PRKG1: variants seen among roughly 807,000 people sequenced by gnomAD.
PRKG1 encodes the protein cGMP-dependent protein kinase 1.
PRKG1 carries 35 observed loss-of-function variants against 88.1 expected under a neutral mutation model. The ratio of observed to expected loss-of-function variants is 0.40; its 90% confidence interval spans 0.30 to 0.53. The LOEUF is 0.53. Ranked by LOEUF, PRKG1 falls within the 20% of genes least tolerant of loss-of-function variation. The pLI is 0.59. For missense variants in PRKG1, 540 were observed against 839.8 expected (o/e 0.64, Z 4.41); for synonymous variants, 303 against 292.5 (o/e 1.04, Z -0.37).
chr10:51,836,163 C>A (rs1840126123), intron 4 of PRKG1, among the ~76,000 whole-genome samples: 2 of 152,122 alleles, frequency 1.3e-5, no homozygotes, highest in Admixed American at 6.6e-5. Context: ...TAGCATGGCA[C>A]TGGCATCAAA....
At chr10:51,919,895 C>A (rs933134670) in intron 5 of PRKG1, among the ~76,000 whole-genome samples, 3 of 152,026 alleles carry the variant, frequency 2.0e-5, no homozygotes, top group African/African-American at 7.2e-5. Context: ...AAGAATTATG[C>A]CTGGTACTTA....
chr10:51,173,153 T>A (rs1837089636), intron 2 of PRKG1, among the ~76,000 whole-genome samples: 1 of 152,002 alleles, frequency 6.6e-6, no homozygotes, highest in African/African-American at 2.4e-5. Context: ...CTTATAATTA[T>A]AATAAACAAT....
chr10:51,820,905 C>T (rs1444654753), intron 4 of PRKG1, among the ~76,000 whole-genome samples: 1 of 152,048 alleles, frequency 6.6e-6, no homozygotes, highest in Non-Finnish European at 1.5e-5. Context: ...CTTGAAAGTA[C>T]AGATCAATGA....
At chr10:51,259,541 T>C (rs1200072789) in intron 2 of PRKG1, among the ~76,000 whole-genome samples, 2 of 152,320 alleles carry the variant, frequency 1.3e-5, no homozygotes, top group Admixed American at 1.3e-4. Context: ...TAGCACAATC[T>C]TGGCTCACTG....
chr10:51,775,325 T>A (rs1249855141), intron 3 of PRKG1, among the ~76,000 whole-genome samples: 1 of 152,156 alleles, frequency 6.6e-6, no homozygotes, highest in East Asian at 1.9e-4. Context: ...CTTTATTTTT[T>A]AAGAATACTT....
intron 3 of PRKG1, chr10:51,698,515 G>A (rs751845818): frequency 2.0e-5 from 32 of 1,614,146 alleles, no homozygotes; most frequent in Non-Finnish European, 2.7e-5. Context: ...CTTCTCCAGT[G>A]ACTGAAAGCA....
chr10:51,873,182 T>C (rs747471590), intron 4 of PRKG1, among the ~76,000 whole-genome samples: 18 of 152,162 alleles, frequency 1.2e-4, no homozygotes, highest in Non-Finnish European at 2.5e-4. Flanking sequence ...CAAACTTAAC[T>C]TGATGATTTG....
In PRKG1 at chr10:51,398,792, C is replaced by G. The variant is rs1220885743; in HGVS notation, c.479-68931C>G. 2.7e-4 allele frequency among the ~76,000 whole-genome samples: 41 copies of G among 152,192 alleles called. 1 individual carries two copies. Among genetic ancestry groups the G allele is most frequent in the Admixed American group, 2.7e-3 (41 of 15,284 alleles). The stretch of plus-strand genomic sequence containing the variant: ...TGGCTCTCATCTAATTAGTTGAAGG[C>G]CTGTGTAAAACAAAAGGCTGACCCT... On this transcript the variant is annotated intron_variant, in intron 2 of 17. Coordinates refer to ENST00000373980, the MANE Select transcript of PRKG1 (RefSeq NM_006258.4).
At chr10:51,132,909 C>G (rs1845606431) in intron 1 of PRKG1, among the ~76,000 whole-genome samples, 1 of 151,458 alleles carries the variant, frequency 6.6e-6, no homozygotes, top group African/African-American at 2.4e-5. Context: ...CAGAGTGTAC[C>G]CCATAAATGT....
At chr10:51,811,282 T>G (rs1419604843) in intron 4 of PRKG1, among the ~76,000 whole-genome samples, 1 of 152,160 alleles carries the variant, frequency 6.6e-6, no homozygotes, top group Non-Finnish European at 1.5e-5. Context: ...TATATAAACT[T>G]TTGTCTATAT....
intron 1 of PRKG1, among the ~76,000 whole-genome samples, chr10:51,064,853 T>A (rs1843730684): frequency 6.6e-6 from 1 of 152,092 alleles, no homozygotes; most frequent in African/African-American, 2.4e-5. Context: ...TATGATTTTA[T>A]ATCTAGGGCC....
chr10:52,233,184 CAAAA>C (rs3031022), intron 9 of PRKG1, among the ~76,000 whole-genome samples: 3 of 142,180 alleles, frequency 2.1e-5, no homozygotes, highest in African/African-American at 2.6e-5. Context: ...AAAAGGGAGC[CAAAA>C]AAAAAAAAAG....
At chr10:51,830,548 GTTTTTTTTTTTGTTTT>G (rs869194519) in intron 4 of PRKG1, among the ~76,000 whole-genome samples, 16,732 of 116,070 alleles carry the variant, frequency 0.14, 1,180 homozygotes, top group African/African-American at 0.23. Flanking sequence ...CTCTTAAAGT[GTTTTTTTTTTTGTTTT>G]TTTTTTTTTT....
chr10:51,397,396 C>T (rs1233086952), intron 2 of PRKG1, among the ~76,000 whole-genome samples: 3 of 152,062 alleles, frequency 2.0e-5, no homozygotes, highest in Admixed American at 2.0e-4. Context: ...ATAAATCATA[C>T]ATGTACATGT....
chr10:52,270,805 G>T (rs1207176479), intron 10 of PRKG1, among the ~76,000 whole-genome samples: 1 of 151,632 alleles, frequency 6.6e-6, no homozygotes, highest in African/African-American at 2.4e-5. Context: ...CACCAACATG[G>T]CACATGTATA....
intron 2 of PRKG1, among the ~76,000 whole-genome samples, chr10:51,197,410 C>A (rs1175682859): frequency 6.6e-6 from 1 of 151,928 alleles, no homozygotes; most frequent in Non-Finnish European, 1.5e-5. Context: ...GTGGCTGGGA[C>A]TACAGTGCCT....
At chr10:51,443,803 G>GGTTAT (rs1564497859) in intron 2 of PRKG1, among the ~76,000 whole-genome samples, 2 of 151,870 alleles carry the variant, frequency 1.3e-5, no homozygotes, top group African/African-American at 2.4e-5. Flanking sequence ...ACCTGGCCTG[G>GGTTAT]GTAACAGACA....
intron 9 of PRKG1, among the ~76,000 whole-genome samples, chr10:52,243,161 A>G (rs1589728462): frequency 6.6e-6 from 1 of 152,196 alleles, no homozygotes; most frequent in Admixed American, 6.5e-5. Flanking sequence ...ACACACAGGC[A>G]GGAACCACGT....
intron 1 of PRKG1, among the ~76,000 whole-genome samples, chr10:51,017,945 C>A (rs569573178): frequency 6.6e-6 from 1 of 151,694 alleles, no homozygotes; most frequent in Non-Finnish European, 1.5e-5. Context: ...ACCACAGGTG[C>A]GTGGGACCAC....
Sources: gnomAD v4.1 joint callset for allele counts (sites outside exome capture counted in the v4.1 genomes callset) on GRCh38, gnomAD v4.1.1 for gene constraint, MANE v1.5 for transcripts, NCBI Gene and HGNC (gene_info 2026-07-23, HGNC 2026-07-21) for gene names.